Variants in PIK3C2G observed in about 807,000 individuals in gnomAD.
PIK3C2G encodes the protein phosphatidylinositol 3-kinase C2 domain-containing subunit gamma.
A neutral mutation model predicts 181.1 loss-of-function variants in PIK3C2G; 168 were observed. The observed-to-expected ratio is 0.93, with a 90% CI of 0.82 to 1.05. The LOEUF is 1.05. Ranked by LOEUF, PIK3C2G falls within the 50% of genes least tolerant of loss-of-function variation. The pLI is 0.00. For synonymous variants in PIK3C2G, 573 were observed against 592.2 expected, an observed-to-expected ratio of 0.97 and a Z score of 0.47; for missense variants, 1,869 against 1,732.8, an observed-to-expected ratio of 1.08 and a Z score of -1.40.
At chr12:18,616,989 G>A (rs962512806) in intron 31 of PIK3C2G, among the ~76,000 whole-genome samples, 2 of 151,984 alleles carry the variant, frequency 1.3e-5, no homozygotes, top group African/African-American at 2.4e-5. Context: ...TGGCAGTCAC[G>A]CAATTCCTGA....
chr12:18,435,581 C>A (rs1439504818), intron 18 of PIK3C2G, among the ~76,000 whole-genome samples: 1 of 152,094 alleles, frequency 6.6e-6, no homozygotes, highest in Non-Finnish European at 1.5e-5. Context: ...AAAATCCATT[C>A]TCTCTTAACA....
chr12:18,713,372 A>T, the PIK3C2G span, among the ~76,000 whole-genome samples: 1 of 152,180 alleles, frequency 6.6e-6, no homozygotes, highest in Non-Finnish European at 1.5e-5. Context: ...ACCATTCAAA[A>T]GTGATAATGT....
chr12:18,412,989 C>T (rs1256372816), intron 16 of PIK3C2G, among the ~76,000 whole-genome samples: 1 of 152,114 alleles, frequency 6.6e-6, no homozygotes, highest in Non-Finnish European at 1.5e-5. Context: ...ATTGAAGTTC[C>T]TTTGAAAATA....
chr12:18,422,191 GT>G (rs1945524681), intron 17 of PIK3C2G, among the ~76,000 whole-genome samples: 1 of 152,058 alleles, frequency 6.6e-6, no homozygotes, highest in Non-Finnish European at 1.5e-5. Context: ...GTATAAGACA[GT>G]GTGCACACAA....
chr12:18,493,884 A>G (rs1463311062), intron 20 of PIK3C2G, among the ~76,000 whole-genome samples: 1 of 152,144 alleles, frequency 6.6e-6, no homozygotes, highest in East Asian at 1.9e-4. Flanking sequence ...ACCCCTACCC[A>G]CAAACCATTA....
At chr12:18,725,605 CA>C in the PIK3C2G span, among the ~76,000 whole-genome samples, 1 of 152,084 alleles carries the variant, frequency 6.6e-6, no homozygotes, top group Admixed American at 6.6e-5. Flanking sequence ...CCTTTGTCTT[CA>C]AGACAAAACC....
the PIK3C2G span, among the ~76,000 whole-genome samples, chr12:18,655,388 G>A: frequency 3.9e-5 from 6 of 151,988 alleles, no homozygotes; most frequent in African/African-American, 1.5e-4. Context: ...AGTTATCCAC[G>A]AATCCACACT....
chr12:18,615,450 A>G (rs890045900), intron 31 of PIK3C2G, among the ~76,000 whole-genome samples: 2 of 151,390 alleles, frequency 1.3e-5, no homozygotes, highest in African/African-American at 4.9e-5. Context: ...CCTAAAATAT[A>G]TATATCATTT....
At chr12:18,443,164 C>T (rs781634668) in intron 18 of PIK3C2G, among the ~76,000 whole-genome samples, 1 of 152,188 alleles carries the variant, frequency 6.6e-6, no homozygotes, top group Non-Finnish European at 1.5e-5. Context: ...AGCCACCATG[C>T]CCAGCCTAAT....
intron 1 of PIK3C2G, among the ~76,000 whole-genome samples, chr12:18,270,521 G>A (rs1294217145): frequency 6.6e-6 from 1 of 152,066 alleles, no homozygotes; most frequent in Non-Finnish European, 1.5e-5. Context: ...AATATGCAGT[G>A]TCTTAGTTCC....
At chr12:18,465,452 C>T (rs1937756197) in intron 18 of PIK3C2G, among the ~76,000 whole-genome samples, 1 of 151,882 alleles carries the variant, frequency 6.6e-6, no homozygotes, top group Non-Finnish European at 1.5e-5. Flanking sequence ...TCTAGAATCA[C>T]TTTCTTTCTA....
chr12:18,318,533 T>C (rs1950967345), intron 6 of PIK3C2G, among the ~76,000 whole-genome samples: 3 of 151,988 alleles, frequency 2.0e-5, no homozygotes, highest in South Asian at 2.1e-4. Flanking sequence ...CAGCTGTAAG[T>C]AAAACATTTA....
chr12:18,708,783 A>G, the PIK3C2G span, among the ~76,000 whole-genome samples: 1 of 152,072 alleles, frequency 6.6e-6, no homozygotes, highest in African/African-American at 2.4e-5. Flanking sequence ...GTACCTTTTC[A>G]TATACTTGTT....
chr12:18,343,077 T>A (rs1404438159), intron 9 of PIK3C2G, among the ~76,000 whole-genome samples: 1 of 152,102 alleles, frequency 6.6e-6, no homozygotes, highest in Non-Finnish European at 1.5e-5. Flanking sequence ...TTAGACAATC[T>A]GTTGTGGTAA....
chr12:18,501,469 G>A (rs899162788), intron 22 of PIK3C2G, among the ~76,000 whole-genome samples: 3 of 152,076 alleles, frequency 2.0e-5, no homozygotes, highest in East Asian at 3.9e-4. Context: ...GGGATTATGG[G>A]GATTATAAAT....
At position 18,263,099 on chromosome 12, in the gene PIK3C2G, A is replaced by T. The variant is rs573194166; in HGVS notation, c.-79+1522A>T. On this transcript the variant is annotated intron_variant, in intron 1 of 32. Transcript: ENST00000538779. Reference sequence around the variant, plus strand: ...TATTTTCAAGAGTTTTTCAGCTATAAAATAAGAGTGATGTGTATCTTTGAA... The same window carrying T: ...TATTTTCAAGAGTTTTTCAGCTATATAATAAGAGTGATGTGTATCTTTGAA... 1.2e-4 allele frequency among the ~76,000 whole-genome samples: 18 copies of T among 152,274 alleles called. No individual in the cohort carries two copies. In the South Asian group the frequency reaches 3.7e-3, roughly 32 times the overall value.
At chr12:18,521,409 G>T (rs1313320360) in intron 24 of PIK3C2G, among the ~76,000 whole-genome samples, 1 of 152,312 alleles carries the variant, frequency 6.6e-6, no homozygotes, top group Non-Finnish European at 1.5e-5. Flanking sequence ...AGGGGCTCAG[G>T]CCCAGGGAGA....
chr12:18,507,025 T>C (rs747679662), intron 24 of PIK3C2G, among the ~76,000 whole-genome samples: 2 of 151,954 alleles, frequency 1.3e-5, no homozygotes, highest in Non-Finnish European at 2.9e-5. Context: ...ATTCACTTCT[T>C]TTTCTTTTAC....
chr12:18,658,779 G>A, the PIK3C2G span, among the ~76,000 whole-genome samples: 1 of 152,064 alleles, frequency 6.6e-6, no homozygotes, highest in Non-Finnish European at 1.5e-5. Context: ...AAAAGGGAGA[G>A]AATGCTATAC....
Sources: allele counts gnomAD v4.1 joint callset (sites outside exome capture counted in the v4.1 genomes callset), GRCh38; gene constraint gnomAD v4.1.1; transcripts MANE v1.5; gene names NCBI Gene and HGNC (gene_info 2026-07-23, HGNC 2026-07-21).